The following NKAIN3 variants were observed in gnomAD, a reference collection of about 807,000 sequenced individuals.
NKAIN3 encodes the protein sodium/potassium transporting ATPase interacting 3, also known as sodium/potassium-transporting ATPase subunit beta-1-interacting protein 3.
NKAIN3 carries 25 observed loss-of-function variants against 30.2 expected under a neutral mutation model. That is an observed-to-expected ratio of 0.83 (90% CI 0.60 to 1.16). The LOEUF (loss-of-function observed/expected upper bound fraction) is 1.16, where lower values mean the gene tolerates loss of function less well. Among genes scored for constraint, NKAIN3 ranks in the 50% most tolerant of loss-of-function variants. NKAIN3 has a pLI of 0.00. For synonymous variants in NKAIN3, 91 were observed against 89.6 expected (o/e 1.02, Z -0.09); for missense variants, 225 against 254.1 (o/e 0.89, Z 0.78).
chr8:62,619,698 T>TAAAAAA (rs111630029), intron 3 of NKAIN3, among the ~76,000 whole-genome samples: 2 of 141,828 alleles, frequency 1.4e-5, no homozygotes, highest in Non-Finnish European at 1.6e-5. Flanking sequence ...TCAAATATTG[T>TAAAAAA]AAAAAAAAAA....
intron 2 of NKAIN3, among the ~76,000 whole-genome samples, chr8:62,583,171 T>A (rs558860337): frequency 6.6e-6 from 1 of 152,182 alleles, no homozygotes; most frequent in Admixed American, 6.5e-5. Flanking sequence ...TACATACTTA[T>A]TGATTATTTT....
downstream of NKAIN3, among the ~76,000 whole-genome samples, chr8:62,986,040 T>C (rs1824192827): frequency 6.6e-6 from 1 of 152,250 alleles, no homozygotes; most frequent in African/African-American, 2.4e-5. Context: ...TGACTGCCTT[T>C]TCCCTTGGAT....
intron 5 of NKAIN3, among the ~76,000 whole-genome samples, chr8:62,952,648 T>A (rs1036957340): frequency 6.6e-6 from 1 of 152,168 alleles, no homozygotes; most frequent in Non-Finnish European, 1.5e-5. Flanking sequence ...TCAAGATCAA[T>A]TGAAAAACTT....
chr8:62,634,672 G>A (rs1332578576), intron 3 of NKAIN3, among the ~76,000 whole-genome samples: 1 of 152,192 alleles, frequency 6.6e-6, no homozygotes, highest in Admixed American at 6.5e-5. Context: ...GGGACAGCTA[G>A]GAGAGGAGAG....
intron 3 of NKAIN3, among the ~76,000 whole-genome samples, chr8:62,720,228 T>G (rs191896482): frequency 5.9e-5 from 9 of 152,332 alleles, no homozygotes; most frequent in Non-Finnish European, 4.4e-5. Flanking sequence ...ACATAAATAG[T>G]CCAGAATGCC....
chr8:62,538,132 A>G (rs1808723126), intron 1 of NKAIN3, among the ~76,000 whole-genome samples: 1 of 152,106 alleles, frequency 6.6e-6, no homozygotes, highest in African/African-American at 2.4e-5. Context: ...TCTCTATACA[A>G]GTACTTTGGA....
At chr8:62,693,751 C>T (rs1051653950) in intron 3 of NKAIN3, among the ~76,000 whole-genome samples, 8 of 152,078 alleles carry the variant, frequency 5.3e-5, no homozygotes, top group East Asian at 1.9e-4. Flanking sequence ...CCTGCAAAGC[C>T]CTTGGAGCAC....
intron 1 of NKAIN3, among the ~76,000 whole-genome samples, chr8:62,362,527 C>G (rs1487897807): frequency 6.6e-6 from 1 of 152,124 alleles, no homozygotes; most frequent in Non-Finnish European, 1.5e-5. Flanking sequence ...ACATTGGAAA[C>G]TGTAAGAGAA....
intron 1 of NKAIN3, among the ~76,000 whole-genome samples, chr8:62,425,785 C>T (rs1007250929): frequency 6.6e-6 from 1 of 151,944 alleles, no homozygotes; most frequent in Non-Finnish European, 1.5e-5. Context: ...CAAGCGTTGA[C>T]ATTCAATGTG....
chr8:62,460,039 A>C (rs928465399), intron 1 of NKAIN3, among the ~76,000 whole-genome samples: 5 of 152,206 alleles, frequency 3.3e-5, no homozygotes, highest in African/African-American at 1.2e-4. Context: ...TTATAATAGA[A>C]TGGTTAAGAG....
chr8:62,427,347 T>G (rs557773136), intron 1 of NKAIN3, among the ~76,000 whole-genome samples: 22 of 152,040 alleles, frequency 1.4e-4, no homozygotes, highest in Non-Finnish European at 2.4e-4. Flanking sequence ...TGAGATCCTC[T>G]GCTGAGCAAA....
intron 4 of NKAIN3, among the ~76,000 whole-genome samples, chr8:62,748,977 A>T (rs116714833): frequency 0.01 from 1,548 of 152,226 alleles, 27 homozygotes; most frequent in African/African-American, 0.034. Flanking sequence ...TGTCTTGAAA[A>T]AATGTGGAGG....
chr8:62,755,006 T>A (rs911106600), intron 4 of NKAIN3, among the ~76,000 whole-genome samples: 1 of 152,246 alleles, frequency 6.6e-6, no homozygotes, highest in Admixed American at 6.5e-5. Context: ...AAGATTTTTT[T>A]AAATTTCTGT....
intron 4 of NKAIN3, among the ~76,000 whole-genome samples, chr8:62,870,705 A>G (rs1253179083): frequency 8.0e-6 from 1 of 125,242 alleles, no homozygotes; most frequent in Admixed American, 7.7e-5. Context: ...CTATATATCT[A>G]TATATCTATA....
rs1823691423 is a variant in NKAIN3 at position 62,965,636 on chromosome 8, A to AAAG, written c.*229_*230insAAG. The AAAG allele has an allele frequency of 1.0e-6, 1 of 967,180 alleles. No homozygotes were observed. 59.9% of individuals were successfully genotyped at this position (967,180 alleles called of 1,614,324 possible). On this transcript the variant is annotated 3_prime_UTR_variant, in exon 7 of 7. Coordinates refer to ENST00000623646, the MANE Select transcript of NKAIN3 (RefSeq NM_001304533.3). ...TGTAAGTTGTAAAAAAAAAAAAAAA[A>AAAG]GAAAAAACAGAATTTGGTTTTAAAT... is the stretch of plus-strand genomic sequence containing the variant.
Position 62,445,313 on chromosome 8 carries a change from C to CT in NKAIN3, c.55-134214dup, listed in dbSNP as rs71255337. Among the ~76,000 whole-genome samples the CT allele has an allele frequency of 9.9e-3, 1,420 of 143,402 alleles. 15 individuals carry two copies. The highest frequency in any genetic ancestry group is 0.04 in the South Asian group (180 of 4,526). The allele number at this position is 143,402 out of a possible 152,430, so 94.1% of individuals were successfully genotyped here. ...ATATACCTGTTGGCCATCTACGTGT[C>CT]TTTTTTTTTTTTGGTTGAGAAATAT... On this transcript the variant is annotated intron_variant, in intron 1 of 6. Transcript: ENST00000623646.
intron 1 of NKAIN3, among the ~76,000 whole-genome samples, chr8:62,560,531 C>CTTTTTT (rs869256384): frequency 0.038 from 1,749 of 45,440 alleles, 48 homozygotes; most frequent in Non-Finnish European, 0.049. Flanking sequence ...TTTTTCTTTT[C>CTTTTTT]TTTTTTTTTT....
Position 62,965,648 on chromosome 8 carries a change from ATT to A in NKAIN3, c.*243_*244del, listed in dbSNP as rs1823692255. Reference sequence around the variant, plus strand: ...AAAAAAAAAAAAAAGAAAAAACAGAATTTGGTTTTAAATTTTTAACAATATTT... The same window carrying A: ...AAAAAAAAAAAAAAGAAAAAACAGAATGGTTTTAAATTTTTAACAATATTT... On this transcript the variant is annotated 3_prime_UTR_variant, in exon 7 of 7. Transcript: ENST00000623646. The A allele has an allele frequency of 4.1e-6, 4 of 976,978 alleles. No individual in the cohort carries two copies. In the African/African-American group the frequency reaches 5.3e-5, roughly 13 times the overall value. 60.5% of individuals were successfully genotyped at this position (976,978 alleles called of 1,614,324 possible). A position where few individuals can be genotyped will look rare whatever the true frequency, so the allele number is the denominator to read the frequency against.
intron 3 of NKAIN3, among the ~76,000 whole-genome samples, chr8:62,706,249 T>C (rs985231119): frequency 3.3e-5 from 5 of 152,108 alleles, no homozygotes; most frequent in African/African-American, 1.2e-4. Flanking sequence ...GTATGGTACA[T>C]ACACACAACT....
Sources: allele counts gnomAD v4.1 joint callset (sites outside exome capture counted in the v4.1 genomes callset), GRCh38; gene constraint gnomAD v4.1.1; transcripts MANE v1.5; gene names NCBI Gene and HGNC (gene_info 2026-07-23, HGNC 2026-07-21).